ZFHX3: variants seen among roughly 807,000 people sequenced by gnomAD.
ZFHX3 encodes the protein zinc finger homeobox protein 3.
Under a neutral mutation model 279.1 loss-of-function variants are expected in ZFHX3, and 42 were observed. The observed-to-expected ratio is 0.15, with a 90% CI of 0.12 to 0.19. ZFHX3 has a LOEUF of 0.19. Ranked by LOEUF, ZFHX3 falls within the 10% of genes least tolerant of loss-of-function variation. ZFHX3 has a pLI of 1.00. For synonymous variants in ZFHX3, 2,293 were observed against 1,957.8 expected, an observed-to-expected ratio of 1.17 and a Z score of -4.52; for missense variants, 4,981 against 4,754.0, an observed-to-expected ratio of 1.05 and a Z score of -1.40.
intron 5 of ZFHX3, among the ~76,000 whole-genome samples, chr16:73,191,717 T>A (rs1210661616): frequency 7.4e-6 from 1 of 135,572 alleles, no homozygotes; most frequent in South Asian, 2.2e-4. Context: ...AATACAGAGC[T>A]GTATTTCTTT....
At chr16:73,878,689 G>C (rs1104608) in intron 1 of ZFHX3, among the ~76,000 whole-genome samples, 71,503 of 151,002 alleles carry the variant, frequency 0.47, 17,631 homozygotes, top group African/African-American at 0.63. Context: ...AAACAAGATT[G>C]TTATTTATAA....
intron 4 of ZFHX3, among the ~76,000 whole-genome samples, chr16:72,876,788 T>G (rs376252378): frequency 6.6e-6 from 1 of 152,170 alleles, no homozygotes; most frequent in East Asian, 1.9e-4. Flanking sequence ...TGTGGCCAGA[T>G]TTTTAAAATA....
intron 1 of ZFHX3, among the ~76,000 whole-genome samples, chr16:73,760,137 C>A (rs902428589): frequency 6.6e-6 from 1 of 151,748 alleles, no homozygotes; most frequent in Non-Finnish European, 1.5e-5. Flanking sequence ...CACAGAAATA[C>A]CATCAGAGAA....
chr16:73,374,586 A>G (rs1464876955), intron 3 of ZFHX3, among the ~76,000 whole-genome samples: 1 of 152,252 alleles, frequency 6.6e-6, no homozygotes, highest in Non-Finnish European at 1.5e-5. Flanking sequence ...TCCAGGCAAT[A>G]TTCAAATTTC....
At chr16:73,737,084 A>G (rs762120475) in intron 1 of ZFHX3, among the ~76,000 whole-genome samples, 2 of 151,808 alleles carry the variant, frequency 1.3e-5, no homozygotes, top group Non-Finnish European at 2.9e-5. Flanking sequence ...CTCAAGCTGG[A>G]GTGCAGGGGC....
At chr16:73,589,561 C>A (rs1289483703) in intron 2 of ZFHX3, among the ~76,000 whole-genome samples, 1 of 150,244 alleles carries the variant, frequency 6.7e-6, no homozygotes, top group Non-Finnish European at 1.5e-5. Flanking sequence ...GAAACCCCGT[C>A]TCTACTAAAA....
At chr16:73,482,561 G>C (rs1335965839) in intron 2 of ZFHX3, among the ~76,000 whole-genome samples, 1 of 152,156 alleles carries the variant, frequency 6.6e-6, no homozygotes. Context: ...AGGCTGTGTA[G>C]GGCTTTAGCC....
chr16:72,945,870 C>T (rs949586802), intron 3 of ZFHX3, among the ~76,000 whole-genome samples: 2 of 152,052 alleles, frequency 1.3e-5, no homozygotes, highest in East Asian at 1.9e-4. Flanking sequence ...CCAGGCACCA[C>T]CTACGGACGT....
intron 3 of ZFHX3, among the ~76,000 whole-genome samples, chr16:72,909,573 A>C (rs1205512125): frequency 6.6e-6 from 1 of 152,150 alleles, no homozygotes. Context: ...AGTTTCTTAC[A>C]ATTTTTGAAA....
chr16:73,284,047 G>A (rs773262395), intron 4 of ZFHX3, among the ~76,000 whole-genome samples: 2 of 152,032 alleles, frequency 1.3e-5, no homozygotes, highest in African/African-American at 2.4e-5. Flanking sequence ...GGCCAGGCGC[G>A]GTGGCTCACG....
Position 73,042,263 on chromosome 16 carries a change from C to T in ZFHX3, c.-50+5489G>A, listed in dbSNP as rs546859033. ...GTCTTTCTGCACTCGGCTAATCTGC[C>T]TCCTGCCTCTCCACTAAGGAGATTC... On this transcript the variant is annotated intron_variant, in intron 1 of 9. Transcript: ENST00000268489. Among the ~76,000 whole-genome samples, 106 of 152,246 alleles carry T rather than the reference C, an allele frequency of 7.0e-4. 1 individual carries two copies. Among genetic ancestry groups the T allele is most frequent in the African/African-American group, 2.5e-3 (102 of 41,536 alleles).
intron 5 of ZFHX3, among the ~76,000 whole-genome samples, chr16:73,243,256 T>C (rs954880137): frequency 2.6e-5 from 4 of 152,210 alleles, no homozygotes; most frequent in African/African-American, 9.6e-5. Flanking sequence ...ACATAAGAGA[T>C]AAATCTTTGC....
chr16:72,959,395 C>T lies in ZFHX3; in HGVS notation c.751G>A (p.Ala251Thr), dbSNP rs144279822. The change falls in exon 2 of 10, where the codon GCC (alanine) becomes ACC (threonine). Residue 251 changes from alanine to threonine, a missense_variant. Transcript: ENST00000268489. ...NKDYLNSDGS[A>T]KSSCVSKDVP... is the part of the protein sequence containing the mutation. ...TCTTTGGATACGCAGGAGCTTTTGG[C>T]AGAACCGTCGCTGTTCAGGTAATCC... The T allele has an allele frequency of 1.2e-6, 2 of 1,614,202 alleles. No homozygotes were observed. Among genetic ancestry groups the T allele is most frequent in the South Asian group, 2.2e-5 (2 of 91,088 alleles).
At chr16:73,821,918 C>T (rs779850514) in intron 1 of ZFHX3, among the ~76,000 whole-genome samples, 17 of 152,146 alleles carry the variant, frequency 1.1e-4, no homozygotes, top group Non-Finnish European at 2.1e-4. Flanking sequence ...CATGTTAGAA[C>T]GGTCACAACC....
rs532508703 is a variant in ZFHX3 at position 73,440,708 on chromosome 16, G to C, written c.-1291+15295C>G. ...TTTGGAAGAAGATGAACATTTTCAGGACCTAAGGGAACCATCATGGCCAGC... is the reference window on the plus strand; with the variant it reads ...TTTGGAAGAAGATGAACATTTTCAGCACCTAAGGGAACCATCATGGCCAGC... On this transcript the variant is annotated intron_variant, in intron 3 of 17. Coordinates refer to the ZFHX3 transcript ENST00000641206. Among the ~76,000 whole-genome samples the C allele has an allele frequency of 6.6e-5, 10 of 152,200 alleles. No individual in the cohort carries two copies. The South Asian group carries it at 1.7e-3, about 25-fold the overall frequency.
At chr16:73,019,904 TA>T (rs1376487631) in intron 1 of ZFHX3, among the ~76,000 whole-genome samples, 1 of 152,198 alleles carries the variant, frequency 6.6e-6, no homozygotes, top group African/African-American at 2.4e-5. Flanking sequence ...TGGCTGGGCA[TA>T]AACACGTTTT....
chr16:73,564,346 C>T (rs111767540), intron 2 of ZFHX3, among the ~76,000 whole-genome samples: 8 of 152,198 alleles, frequency 5.3e-5, no homozygotes, highest in Admixed American at 2.0e-4. Flanking sequence ...TTTGACCCCA[C>T]GCTGGGGTTT....
intron 8 of ZFHX3, among the ~76,000 whole-genome samples, chr16:73,066,703 A>AGGGCGCGGCGAG (rs1380624034): frequency 1.3e-5 from 2 of 152,120 alleles, no homozygotes; most frequent in African/African-American, 4.8e-5. Context: ...TGGAAAGGAG[A>AGGGCGCGGCGAG]GGGCGCGGCG....
chr16:73,528,194 C>T (rs1050300269), intron 2 of ZFHX3, among the ~76,000 whole-genome samples: 1 of 152,180 alleles, frequency 6.6e-6, no homozygotes, highest in Non-Finnish European at 1.5e-5. Flanking sequence ...TGCATTATCA[C>T]TGTATTATGG....
Sources: gnomAD v4.1 joint callset for allele counts (sites outside exome capture counted in the v4.1 genomes callset) on GRCh38, gnomAD v4.1.1 for gene constraint, MANE v1.5 for transcripts, NCBI Gene and HGNC (gene_info 2026-07-23, HGNC 2026-07-21) for gene names.